Variants in TCAIM observed in about 807,000 individuals in gnomAD.
TCAIM encodes T-cell activation inhibitor, mitochondrial.
TCAIM carries 36 observed loss-of-function variants against 58.6 expected under a neutral mutation model. That is an observed-to-expected ratio of 0.61 (90% confidence interval 0.47 to 0.81). The LOEUF is 0.81. TCAIM is among the 30% of genes least tolerant of loss of function. The pLI is 0.00. For synonymous variants in TCAIM, 172 were observed against 193.6 expected (o/e 0.89, Z 0.93); for missense variants, 466 against 579.6 (o/e 0.80, Z 2.01).
Position 44,404,937 on chromosome 3 carries a change from C to T in TCAIM, c.1251-2505C>T, listed in dbSNP as rs1292446337. 3.9e-5 allele frequency among the ~76,000 whole-genome samples: 6 copies of T among 152,074 alleles called. No individual in the cohort carries two copies. The South Asian group carries it at 8.3e-4, about 21-fold the overall frequency. On this transcript the variant is annotated intron_variant, in intron 10 of 10. Coordinates refer to ENST00000342649, the MANE Select transcript of TCAIM (RefSeq NM_173826.4). ...CATGCTCACAGGGTCCTCACAGTAG[C>T]AGCTCTGCTGGACTCTCAGCTTGCT...
chr3:44,400,336 C>T lies in TCAIM; in HGVS notation c.886-19C>T. 1 of 1,567,022 alleles carries T rather than the reference C, an allele frequency of 6.4e-7. No homozygotes were observed. The highest frequency in any genetic ancestry group is 8.7e-7 in the Non-Finnish European group (1 of 1,147,080). On this transcript the variant is annotated intron_variant, in intron 8 of 10. Coordinates refer to ENST00000342649, the MANE Select transcript of TCAIM (RefSeq NM_173826.4). ...GTAACATAAAACTAATTATTTCTTT[C>T]CCTTTGTTAACACTGTAGCTTTTTG...
At chr3:44,377,472 A>G (rs2125643479) in intron 5 of TCAIM, among the ~76,000 whole-genome samples, 1 of 152,318 alleles carries the variant, frequency 6.6e-6, no homozygotes, top group East Asian at 1.9e-4. Flanking sequence ...AGAACCAAAC[A>G]AGAAATAAGT....
At chr3:44,385,175 G>T (rs889325626) in intron 5 of TCAIM, among the ~76,000 whole-genome samples, 1 of 152,196 alleles carries the variant, frequency 6.6e-6, no homozygotes, top group African/African-American at 2.4e-5. Flanking sequence ...TTAGTCAAGA[G>T]TTTTTGATTG....
chr3:44,378,711 T>C (rs768981510), intron 5 of TCAIM, among the ~76,000 whole-genome samples: 1 of 150,794 alleles, frequency 6.6e-6, no homozygotes, highest in Non-Finnish European at 1.5e-5. Context: ...TTCAGGAGGC[T>C]GAGGCAGGAG....
intron 10 of TCAIM, among the ~76,000 whole-genome samples, 165 bp from the exon 11 acceptor site, chr3:44,407,277 C>T (rs1417763110): frequency 6.6e-6 from 1 of 152,098 alleles, no homozygotes; most frequent in Non-Finnish European, 1.5e-5. Context: ...TGGCTATTGG[C>T]GTGTCTTCCA....
chr3:44,385,447 A>AG (rs1246462121), intron 5 of TCAIM, among the ~76,000 whole-genome samples: 2 of 152,230 alleles, frequency 1.3e-5, no homozygotes, highest in Non-Finnish European at 2.9e-5. Flanking sequence ...GAGCATAAAA[A>AG]GTAATTCTGA....
At chr3:44,374,341 TTTAAGTA>T (rs1303750582) in intron 5 of TCAIM, among the ~76,000 whole-genome samples, 1 of 151,986 alleles carries the variant, frequency 6.6e-6, no homozygotes, top group Non-Finnish European at 1.5e-5. Flanking sequence ...TAGTAGTAAG[TTTAAGTA>T]TTATTTCTCA....
intron 1 of TCAIM, among the ~76,000 whole-genome samples, chr3:44,343,156 T>G (rs1438007467): frequency 6.7e-6 from 1 of 149,664 alleles, no homozygotes; most frequent in East Asian, 2.0e-4. Flanking sequence ...AAAGAAGAAA[T>G]GTTTTGGTGT....
chr3:44,351,443 A>G (rs931791165), intron 1 of TCAIM, among the ~76,000 whole-genome samples: 2 of 152,054 alleles, frequency 1.3e-5, no homozygotes, highest in African/African-American at 4.8e-5. Flanking sequence ...CAAAATATCA[A>G]TGTGCATGGT....
intron 5 of TCAIM, among the ~76,000 whole-genome samples, chr3:44,371,224 AT>A (rs1701464596): frequency 6.7e-6 from 1 of 150,324 alleles, no homozygotes. Flanking sequence ...TACCCGGTTA[AT>A]TTTTTAATTT....
Position 44,354,762 on chromosome 3 carries a change from G to A in TCAIM, c.-21G>A. The A allele has an allele frequency of 6.2e-7, 1 of 1,605,062 alleles. No homozygotes were observed. The highest frequency in any genetic ancestry group is 8.5e-7 in the Non-Finnish European group (1 of 1,177,716). ...AGCAATTAATGGATGCCTCGAAGTT[G>A]ACGTACATATATATTCAGAAATGTT... On this transcript the variant is annotated 5_prime_UTR_variant, in exon 2 of 11. It removes the in-frame stop codon of an upstream open reading frame in the 5' UTR. Coordinates refer to ENST00000342649, the MANE Select transcript of TCAIM (RefSeq NM_173826.4).
In TCAIM at chr3:44,339,637, A is replaced by G. The variant is rs562660732; in HGVS notation, c.-45+803A>G. The G allele has an allele frequency of 2.0e-5, 3 of 152,310 alleles. No individual in the cohort carries two copies. The South Asian group carries it at 6.2e-4, about 32-fold the overall frequency. 9.4% of individuals were successfully genotyped at this position (152,310 alleles called of 1,614,324 possible). A position where few individuals can be genotyped will look rare whatever the true frequency, so the allele number is the denominator to read the frequency against. On this transcript the variant is annotated intron_variant, in intron 1 of 10. Transcript: ENST00000342649. ...TAAGTAGATTAAAGTAGTCATTTAC[A>G]ATGGTTTGTAAATAAATTTTATCCT... is the stretch of plus-strand genomic sequence containing the variant.
chr3:44,393,318 A>G (rs1319622585), intron 6 of TCAIM, among the ~76,000 whole-genome samples: 1 of 151,692 alleles, frequency 6.6e-6, no homozygotes, highest in Non-Finnish European at 1.5e-5. Context: ...AAAAATAGCT[A>G]GGCACTATGG....
intron 1 of TCAIM, chr3:44,341,258 A>G (rs1700849763): frequency 6.6e-6 from 1 of 152,170 alleles, no homozygotes. Context: ...CTGTCTTTAA[A>G]AAGTCAGTAT....
intron 5 of TCAIM, among the ~76,000 whole-genome samples, chr3:44,385,585 C>CA (rs994543527): frequency 8.6e-5 from 13 of 151,642 alleles, no homozygotes; most frequent in African/African-American, 1.4e-4. Context: ...ACTAAAAATA[C>CA]AAAAAAAATT....
intron 1 of TCAIM, among the ~76,000 whole-genome samples, chr3:44,350,069 T>A (rs983468445): frequency 5.9e-5 from 9 of 152,110 alleles, no homozygotes; most frequent in African/African-American, 2.2e-4. Context: ...ACAGGCTTTG[T>A]GTGGGCAATA....
intron 5 of TCAIM, among the ~76,000 whole-genome samples, chr3:44,382,547 A>G (rs766453372): frequency 2.3e-4 from 35 of 152,228 alleles, no homozygotes; most frequent in Non-Finnish European, 5.9e-5. Flanking sequence ...AACTGGCCAC[A>G]TGCAAAGGAA....
intron 1 of TCAIM, among the ~76,000 whole-genome samples, chr3:44,354,142 G>A (rs1031333285): frequency 1.3e-5 from 2 of 152,162 alleles, no homozygotes; most frequent in Non-Finnish European, 1.5e-5. Flanking sequence ...GTGGATGTAC[G>A]ATTGTTTTAG....
rs541906831 is a variant in TCAIM, at chr3:44,361,428, T to C, written c.229T>C (p.Phe77Leu). The C allele has an allele frequency of 1.6e-5, 26 of 1,613,446 alleles. No individual in the cohort carries two copies. The East Asian group carries it at 5.6e-4, about 35-fold the overall frequency. ...VYLENLQKPG[F>L]KSLKPTQLTF... ...CCTAGAAAACCTCCAGAAACCAGGC[T>C]TCAAGTCTTTGAAACCAACTCAGCT... The change falls in exon 4 of 11, where the codon TTC becomes CTC. Residue 77 changes from phenylalanine (F) to leucine (L), a missense_variant. By Grantham distance (22) the Phe-to-Leu change is conservative (BLOSUM62 0). Coordinates refer to ENST00000342649, the MANE Select transcript of TCAIM (RefSeq NM_173826.4).
Sources: allele counts gnomAD v4.1 joint callset (sites outside exome capture counted in the v4.1 genomes callset), GRCh38; gene constraint gnomAD v4.1.1; transcripts MANE v1.5; gene names NCBI Gene and HGNC (gene_info 2026-07-23, HGNC 2026-07-21).